The following DDR2 variants were observed in gnomAD, a reference collection of about 807,000 sequenced individuals.
DDR2 encodes discoidin domain-containing receptor 2.
DDR2 carries 27 observed loss-of-function variants against 94.9 expected under a neutral mutation model. The ratio of observed to expected loss-of-function variants is 0.28; its 90% CI spans 0.21 to 0.39. The LOEUF (loss-of-function observed/expected upper bound fraction) is 0.39, where lower values mean the gene tolerates loss of function less well. DDR2 is among the 10% of genes least tolerant of loss of function. The probability of loss-of-function intolerance (pLI) is 1.00; values close to 1 mark genes in which losing one functional copy is unlikely to be tolerated. For missense variants in DDR2, 783 were observed against 1,076.0 expected (o/e 0.73, Z 3.81); for synonymous variants, 382 against 377.2 (o/e 1.01, Z -0.15).
In DDR2 at chr1:162,736,328, C is replaced by T. The variant is rs561325150; in HGVS notation, c.83-16767C>T. Among the ~76,000 whole-genome samples, 18 of 152,236 alleles carry T rather than the reference C, an allele frequency of 1.2e-4. No homozygotes were observed. The East Asian group carries it at 2.5e-3, about 21-fold the overall frequency. The stretch of plus-strand genomic sequence containing the variant: ...TTGCTTTCCACATGAAGAAACAGAC[C>T]GAAAGAGAGCCAGGAGCTTGCTCAG... On this transcript the variant is annotated intron_variant, in intron 3 of 17. Transcript: ENST00000367921.
At position 162,755,214 on chromosome 1, in the gene DDR2, T is replaced by C. The variant is rs145611112; in HGVS notation, c.476T>C (p.Ile159Thr). The C allele has an allele frequency of 5.4e-4, 876 of 1,614,078 alleles. 1 individual carries two copies. Among genetic ancestry groups the C allele is most frequent in the South Asian group, 8.3e-4 (76 of 91,076 alleles). ...TTCCTAAAGGACTTGGAGCCGCCCA[T>C]TGTAGCCAGATTTGTCCGGTTCATT... is the stretch of plus-strand genomic sequence containing the variant. The part of the protein sequence containing the change: ...DIFLKDLEPP[I>T]VARFVRFIPV... The change falls in exon 6 of 18, where the codon ATT becomes ACT. Residue 159 changes from isoleucine to threonine, a missense_variant. This residue lies in a region of DDR2 where 519 missense variants were observed against 647.9 expected (regional missense o/e 0.80). Transcript: ENST00000367921.
intron 3 of DDR2, among the ~76,000 whole-genome samples, chr1:162,720,344 T>C (rs1001645871): frequency 1.3e-5 from 2 of 152,146 alleles, no homozygotes; most frequent in Non-Finnish European, 2.9e-5. Context: ...GTAGCCATTA[T>C]CCTGCTTTCT....
At chr1:162,726,303 TAA>T (rs1251248593) in intron 3 of DDR2, among the ~76,000 whole-genome samples, 1 of 152,220 alleles carries the variant, frequency 6.6e-6, no homozygotes, top group Non-Finnish European at 1.5e-5. Flanking sequence ...TTATTTAACT[TAA>T]TTACTATACT....
intron 2 of DDR2, among the ~76,000 whole-genome samples, chr1:162,713,077 C>T (rs1660994636): frequency 6.6e-6 from 1 of 152,144 alleles, no homozygotes; most frequent in African/African-American, 2.4e-5. Context: ...TAATTTCTCT[C>T]CACAGGATTG....
intron 1 of DDR2, among the ~76,000 whole-genome samples, chr1:162,634,229 A>T (rs897152369): frequency 6.6e-6 from 1 of 152,210 alleles, no homozygotes; most frequent in Non-Finnish European, 1.5e-5. Context: ...TCTTTGGTAT[A>T]TACTTACCTT....
In DDR2 at chr1:162,653,715, C is replaced by T. The variant is rs557116231; in HGVS notation, c.-191-1496C>T. ...TTGTAAACATTCCTATAAACGTTGG[C>T]TCAGAGATTGTTAATGTAAGTTTTT... On this transcript the variant is annotated intron_variant, in intron 1 of 17. Transcript: ENST00000367921. Among the ~76,000 whole-genome samples, 26 of 152,198 alleles carry T rather than the reference C, an allele frequency of 1.7e-4. No homozygotes were observed. In the South Asian group the frequency reaches 5.0e-3, roughly 29 times the overall value.
intron 2 of DDR2, among the ~76,000 whole-genome samples, chr1:162,673,602 TGTGTGTGAGAGA>T (rs1255395260): frequency 2.0e-4 from 23 of 116,016 alleles, no homozygotes; most frequent in African/African-American, 5.5e-4. Flanking sequence ...TGTATGTGTG[TGTGTGTGAGAGA>T]GAGAGAGAGA....
At chr1:162,645,674 C>T (rs1657370973) in intron 1 of DDR2, among the ~76,000 whole-genome samples, 2 of 152,036 alleles carry the variant, frequency 1.3e-5, no homozygotes, top group African/African-American at 4.8e-5. Context: ...GTATGTTGAA[C>T]AAATTGTTAT....
chr1:162,738,125 G>A (rs1459123127), intron 3 of DDR2, among the ~76,000 whole-genome samples: 2 of 143,302 alleles, frequency 1.4e-5, no homozygotes, highest in East Asian at 2.1e-4. Context: ...GGCAGGAGAA[G>A]GAAATAAAGG....
chr1:162,658,829 A>AAATAAATAAATAAATAAATAAAT (rs60623253), intron 2 of DDR2, among the ~76,000 whole-genome samples: 64,538 of 133,078 alleles, frequency 0.48, 18,149 homozygotes, highest in Non-Finnish European at 0.61. Flanking sequence ...CCTGTCTCAA[A>AAATAAATAAATAAATAAATAAAT]AAATAAATAA....
At chr1:162,719,000 T>C in intron 2 of DDR2, 37 bp from the exon 3 acceptor site, 1 of 1,599,634 alleles carries the variant, frequency 6.3e-7, no homozygotes, top group Admixed American at 1.7e-5. Flanking sequence ...TTCCTCTCCT[T>C]CTCTTTCTGT....
chr1:162,754,989 C>T (rs1306398704), intron 5 of DDR2, 134 bp downstream of exon 5: 1 of 1,418,932 alleles, frequency 7.0e-7, no homozygotes, highest in African/African-American at 1.4e-5. Context: ...ATGTGTGACC[C>T]AGGGTGAGGG....
At chr1:162,651,797 A>G (rs900969702) in intron 1 of DDR2, among the ~76,000 whole-genome samples, 1 of 152,178 alleles carries the variant, frequency 6.6e-6, no homozygotes, top group Admixed American at 6.5e-5. Context: ...TAATCCAAAA[A>G]TGAGTCGAAT....
chr1:162,759,882 G>T lies in DDR2; in HGVS notation c.758G>T (p.Gly253Val). 1 of 1,614,166 alleles carries T rather than the reference G, an allele frequency of 6.2e-7. No homozygotes were observed. The highest frequency in any genetic ancestry group is 8.5e-7 in the Non-Finnish European group (1 of 1,180,016). ...TQTHEYHVWP[G>V]YDYVGWRNES... Reference sequence around the variant, plus strand: ...ACCCATGAATACCACGTGTGGCCCGGCTATGACTATGTGGGCTGGCGGAAC... The same window carrying T: ...ACCCATGAATACCACGTGTGGCCCGTCTATGACTATGTGGGCTGGCGGAAC... The change falls in exon 8 of 18, where the codon GGC becomes GTC. Residue 253 changes from glycine (G) to valine (V), a missense_variant. Coordinates refer to ENST00000367921, the MANE Select transcript of DDR2 (RefSeq NM_006182.4).
At chr1:162,665,563 AT>A (rs5778284) in intron 2 of DDR2, among the ~76,000 whole-genome samples, 113,811 of 141,362 alleles carry the variant, frequency 0.81, 47,307 homozygotes, top group East Asian at 0.93. Context: ...TGCATGTATG[AT>A]TTTTTTTTTT....
At chr1:162,751,983 C>G (rs896423793) in intron 3 of DDR2, among the ~76,000 whole-genome samples, 18 of 152,216 alleles carry the variant, frequency 1.2e-4, no homozygotes, top group African/African-American at 4.3e-4. Context: ...ACATCACACA[C>G]TGGGGCCTGT....
At chr1:162,674,670 C>T (rs1280959198) in intron 2 of DDR2, among the ~76,000 whole-genome samples, 1 of 152,200 alleles carries the variant, frequency 6.6e-6, no homozygotes, top group Non-Finnish European at 1.5e-5. Flanking sequence ...TTTGGACACA[C>T]AATTTAGTCA....
In DDR2 at chr1:162,746,789, G is replaced by A. The variant is rs540223676; in HGVS notation, c.83-6306G>A. Among the ~76,000 whole-genome samples, 8 of 152,324 alleles carry A rather than the reference G, an allele frequency of 5.3e-5. No individual in the cohort carries two copies. The East Asian group carries it at 1.4e-3, about 26-fold the overall frequency. On this transcript the variant is annotated intron_variant, in intron 3 of 17. Transcript: ENST00000367921. ...ATGAAGCTTCCAGAGGAAGGATCAG[G>A]CAGCAACATTTGCTGTTTTGCAATA...
At position 162,786,764 on chromosome 1, in the gene DDR2, T is replaced by C. The variant is rs1372076371; in HGVS notation, c.*6518T>C. ...ACCTCTAACATATGAGTTGACTGTT[T>C]ATTGGGAAGAAAGCATCTTGGTCTC... On this transcript the variant is annotated 3_prime_UTR_variant, in exon 18 of 18. Coordinates refer to ENST00000367921, the MANE Select transcript of DDR2 (RefSeq NM_006182.4). 6.6e-6 allele frequency: 1 copy of C among 152,226 alleles called. No individual in the cohort carries two copies. Among genetic ancestry groups the C allele is most frequent in the Non-Finnish European group, 1.5e-5 (1 of 68,034 alleles). 9.4% of individuals were successfully genotyped at this position (152,226 alleles called of 1,614,324 possible).
Sources: allele counts gnomAD v4.1 joint callset (sites outside exome capture counted in the v4.1 genomes callset), GRCh38; gene constraint gnomAD v4.1.1; regional missense constraint gnomAD v4.1.1; transcripts MANE v1.5; gene names NCBI Gene and HGNC (gene_info 2026-07-23, HGNC 2026-07-21).